Variants in RAB27B observed in about 807,000 individuals in gnomAD.
The protein encoded by RAB27B is ras-related protein Rab-27B.
Under a neutral mutation model 24.6 loss-of-function variants are expected in RAB27B, and 15 were observed. That is an observed-to-expected ratio of 0.61 (90% CI 0.41 to 0.94). RAB27B has a LOEUF of 0.94. Ranked by LOEUF, RAB27B falls within the 40% of genes least tolerant of loss-of-function variation. The pLI, the probability that RAB27B is intolerant of heterozygous loss-of-function variation, is 0.00. For synonymous variants in RAB27B, 105 were observed against 92.5 expected, an observed-to-expected ratio of 1.14 and a Z score of -0.78; for missense variants, 261 against 266.8, an observed-to-expected ratio of 0.98 and a Z score of 0.15.
chr18:54,887,878 A>G, intron 4 of RAB27B, 117 bp from the exon 5 acceptor site: 1 of 1,245,834 alleles, frequency 8.0e-7, no homozygotes, highest in Non-Finnish European at 1.1e-6. Context: ...GGCCAATATA[A>G]CTAGTAAGCA....
At chr18:54,762,697 C>G (rs1226441963) in intron 2 of RAB27B, among the ~76,000 whole-genome samples, 1 of 152,140 alleles carries the variant, frequency 6.6e-6, no homozygotes, top group Non-Finnish European at 1.5e-5. Context: ...CCCTGGTGAT[C>G]TAATTGAAAA....
At chr18:54,822,958 G>A (rs79604075) in intron 2 of RAB27B, among the ~76,000 whole-genome samples, 1,614 of 152,262 alleles carry the variant, frequency 0.011, 25 homozygotes, top group African/African-American at 0.036. Flanking sequence ...AATCTCAAAT[G>A]AGGTCCAAGT....
chr18:54,857,712 G>C (rs140672960), intron 1 of RAB27B, among the ~76,000 whole-genome samples: 2 of 151,474 alleles, frequency 1.3e-5, no homozygotes, highest in African/African-American at 2.5e-5. Context: ...GTGCACATGT[G>C]GGCAGGCATG....
At position 54,804,912 on chromosome 18, in the gene RAB27B, T is replaced by C. The variant is rs11873049; in HGVS notation, c.-19-72655T>C. Among the ~76,000 whole-genome samples, 103 of 20,290 alleles carry C rather than the reference T, an allele frequency of 5.1e-3. 1 individual carries two copies. Among genetic ancestry groups the C allele is most frequent in the East Asian group, 0.019 (2 of 104 alleles). The allele number at this position is 20,290 out of a possible 152,430, so 13.3% of individuals were successfully genotyped here. A position where few individuals can be genotyped will look rare whatever the true frequency, so the allele number is the denominator to read the frequency against. ...TCTTTCTCTTTCTCTCTCTCTTTCT[T>C]TCTTTCTTTCTTTCTTTCTTTCTTT... On this transcript the variant is annotated intron_variant, in intron 2 of 4. Coordinates refer to the RAB27B transcript ENST00000586570.
intron 1 of RAB27B, among the ~76,000 whole-genome samples, chr18:54,858,408 G>A (rs1208789360): frequency 7.0e-6 from 1 of 142,694 alleles, no homozygotes; most frequent in African/African-American, 2.7e-5. Context: ...TTTTTGAGAC[G>A]GAGTCTCGCT....
chr18:54,737,860 G>A (rs926412837), intron 2 of RAB27B, among the ~76,000 whole-genome samples: 4 of 152,066 alleles, frequency 2.6e-5, no homozygotes, highest in Non-Finnish European at 5.9e-5. Context: ...TTTATAATAT[G>A]TTCAACTTTT....
rs149203987 is a variant in RAB27B at position 54,818,645 on chromosome 18, C to T, written c.-19-58922C>T. Among the ~76,000 whole-genome samples the T allele has an allele frequency of 9.7e-4, 148 of 152,198 alleles. 1 individual carries two copies. The highest frequency in any genetic ancestry group is 3.0e-3 in the African/African-American group (125 of 41,540). ...AGGTCCTACACACCACCATTCCTGCCGTGAGAGCCTGACCTCCCACTTTTA... is the reference window on the plus strand; with the variant it reads ...AGGTCCTACACACCACCATTCCTGCTGTGAGAGCCTGACCTCCCACTTTTA... On this transcript the variant is annotated intron_variant, in intron 2 of 4. Coordinates refer to the RAB27B transcript ENST00000586570.
chr18:54,872,644 A>T (rs1184501768), intron 1 of RAB27B, among the ~76,000 whole-genome samples: 8 of 151,898 alleles, frequency 5.3e-5, no homozygotes. Flanking sequence ...AAAAAAAGAA[A>T]AAAGAAAAAT....
intron 2 of RAB27B, among the ~76,000 whole-genome samples, chr18:54,746,603 T>G (rs1386964036): frequency 6.6e-6 from 1 of 152,206 alleles, no homozygotes; most frequent in Non-Finnish European, 1.5e-5. Flanking sequence ...AAGCTTACTA[T>G]TAAGATAGAG....
intron 2 of RAB27B, among the ~76,000 whole-genome samples, chr18:54,809,726 T>C (rs1426862919): frequency 2.0e-5 from 3 of 152,224 alleles, no homozygotes; most frequent in Non-Finnish European, 4.4e-5. Context: ...CAATTCCACA[T>C]TTATTGAGAA....
intron 4 of RAB27B, among the ~76,000 whole-genome samples, chr18:54,886,376 CA>C (rs1913136846): frequency 2.0e-5 from 3 of 152,056 alleles, no homozygotes. Flanking sequence ...GTGCCTGGCA[CA>C]GAGTAGATGC....
intron 2 of RAB27B, among the ~76,000 whole-genome samples, chr18:54,738,505 C>T (rs1386823849): frequency 6.6e-6 from 1 of 152,090 alleles, no homozygotes; most frequent in Non-Finnish European, 1.5e-5. Context: ...GTAAAACATG[C>T]CTGATTCCCC....
At chr18:54,844,541 G>A (rs1354880157) in intron 1 of RAB27B, among the ~76,000 whole-genome samples, 1 of 151,022 alleles carries the variant, frequency 6.6e-6, no homozygotes, top group Non-Finnish European at 1.5e-5. Context: ...CGAGTAGCTG[G>A]GATTGCAGGC....
Position 54,725,108 on chromosome 18 carries a change from T to C in RAB27B, c.-20+6967T>C, listed in dbSNP as rs564859264. On this transcript the variant is annotated intron_variant, in intron 2 of 4. Transcript: ENST00000586570. ...GCAATGTGGTGCAGAGGGAAGAATA[T>C]GGTTTGAGGAATCAGATAGATCTGA... Among the ~76,000 whole-genome samples, 35 of 151,390 alleles carry C rather than the reference T, an allele frequency of 2.3e-4. 1 individual carries two copies. Among genetic ancestry groups the C allele is most frequent in the Non-Finnish European group, 4.6e-4 (31 of 67,764 alleles).
chr18:54,841,636 C>T (rs1598949816), intron 1 of RAB27B, among the ~76,000 whole-genome samples: 2 of 152,144 alleles, frequency 1.3e-5, no homozygotes, highest in Non-Finnish European at 2.9e-5. Flanking sequence ...ACATTATTTT[C>T]TAAGCCAAAT....
intron 1 of RAB27B, among the ~76,000 whole-genome samples, chr18:54,840,736 C>T (rs532021617): frequency 6.6e-6 from 1 of 152,270 alleles, no homozygotes; most frequent in South Asian, 2.1e-4. Context: ...CTAAGTCCAT[C>T]CTCAGGAAGG....
intron 2 of RAB27B, among the ~76,000 whole-genome samples, chr18:54,771,015 G>A (rs576974665): frequency 6.6e-6 from 1 of 152,152 alleles, no homozygotes. Flanking sequence ...GGAGTGGCTA[G>A]ACATGAACAG....
intron 2 of RAB27B, among the ~76,000 whole-genome samples, chr18:54,814,947 T>G (rs924963170): frequency 1.3e-5 from 2 of 152,096 alleles, no homozygotes; most frequent in African/African-American, 2.4e-5. Flanking sequence ...TATTTATCAG[T>G]TTTTCTCATC....
At chr18:54,825,664 G>C (rs1369602176), upstream of RAB27B, among the ~76,000 whole-genome samples, 1 of 152,064 alleles carries the variant, frequency 6.6e-6, no homozygotes, top group Non-Finnish European at 1.5e-5. Flanking sequence ...CATGTGTTCA[G>C]TTCATCTTGT....
Sources: gnomAD v4.1 joint callset for allele counts (sites outside exome capture counted in the v4.1 genomes callset) on GRCh38, gnomAD v4.1.1 for gene constraint, MANE v1.5 for transcripts, NCBI Gene and HGNC (gene_info 2026-07-23, HGNC 2026-07-21) for gene names.